Variants in UGT1A10 observed in about 807,000 individuals in gnomAD.
UGT1A10 encodes UDP-glucuronosyltransferase 1A10.
A neutral mutation model predicts 45.8 loss-of-function variants in UGT1A10; 49 were observed. That is an observed-to-expected ratio of 1.07 (90% CI 0.85 to 1.36). The LOEUF is 1.36. UGT1A10 is among the 40% of genes most tolerant of loss of function. The pLI is 0.00. For missense variants in UGT1A10, 745 were observed against 668.6 expected (o/e 1.11, Z -1.26); for synonymous variants, 284 against 249.7 (o/e 1.14, Z -1.29).
At chr2:233,710,391 A>G (rs2076129551) in intron 1 of UGT1A10, among the ~76,000 whole-genome samples, 1 of 152,224 alleles carries the variant, frequency 6.6e-6, no homozygotes. Context: ...GCAACGCATT[A>G]GAGTTCTGGC....
intron 1 of UGT1A10, among the ~76,000 whole-genome samples, chr2:233,757,948 G>A (rs1469946422): frequency 6.6e-6 from 1 of 152,076 alleles, no homozygotes; most frequent in Non-Finnish European, 1.5e-5. Flanking sequence ...TCATATTGCT[G>A]CCCTGCTGTG....
intron 1 of UGT1A10, chr2:233,755,162 G>T (rs1267717516): frequency 7.8e-7 from 1 of 1,279,938 alleles, no homozygotes; most frequent in Non-Finnish European, 1.1e-6. Context: ...CCCTGTCCTC[G>T]GGGTTTTTGT....
chr2:233,768,512 T>C (rs1026092471), intron 4 of UGT1A10, 73 bp downstream of exon 4: 15 of 1,552,814 alleles, frequency 9.7e-6, no homozygotes, highest in South Asian at 4.8e-5. Context: ...ATGAAAACAT[T>C]TACGTAGCAT....
intron 1 of UGT1A10, among the ~76,000 whole-genome samples, chr2:233,684,728 G>T (rs4583459): frequency 0.6 from 91,008 of 151,656 alleles, 27,587 homozygotes; most frequent in South Asian, 0.65. Context: ...TTTATAAATA[G>T]AAAATAAATA....
chr2:233,757,503 A>G (rs1469765233), intron 1 of UGT1A10, among the ~76,000 whole-genome samples: 5 of 137,398 alleles, frequency 3.6e-5, no homozygotes, highest in African/African-American at 1.1e-4. Context: ...GAGTGATAGC[A>G]TGATTCCAAA....
chr2:233,684,100 T>C (rs1272642973), intron 1 of UGT1A10, among the ~76,000 whole-genome samples: 11 of 152,174 alleles, frequency 7.2e-5, no homozygotes, highest in Admixed American at 7.2e-4. Flanking sequence ...GTATACATTT[T>C]TATCTATTGT....
chr2:233,761,146 T>C lies in UGT1A10; in HGVS notation c.856-5888T>C, dbSNP rs1337384419. On this transcript the variant is annotated intron_variant, in intron 1 of 4. Coordinates refer to ENST00000344644, the MANE Select transcript of UGT1A10 (RefSeq NM_019075.4). ...CAACTGCCTTCACCAAAATCCACTATCCCAGGTGTGTATTGGAGTGGGACT... is the reference window on the plus strand; with the variant it reads ...CAACTGCCTTCACCAAAATCCACTACCCCAGGTGTGTATTGGAGTGGGACT... 8.1e-6 allele frequency: 13 copies of C among 1,614,114 alleles called. No individual in the cohort carries two copies. The highest frequency in any genetic ancestry group is 4.0e-5 in the African/African-American group (3 of 74,946).
At chr2:233,772,141 A>G in intron 4 of UGT1A10, 121 bp from the exon 5 acceptor site, 1 of 1,549,926 alleles carries the variant, frequency 6.5e-7, no homozygotes, top group South Asian at 1.2e-5. Context: ...CAATAATAGA[A>G]ACAGGTTTCC....
chr2:233,712,128 G>T (rs2076215932), intron 1 of UGT1A10, among the ~76,000 whole-genome samples: 1 of 152,208 alleles, frequency 6.6e-6, no homozygotes, highest in South Asian at 2.1e-4. Flanking sequence ...CAGAAGACTG[G>T]AGCCTTCAGC....
At chr2:233,678,400 G>T (rs1384108264) in intron 1 of UGT1A10, among the ~76,000 whole-genome samples, 1 of 152,176 alleles carries the variant, frequency 6.6e-6, no homozygotes, top group African/African-American at 2.4e-5. Flanking sequence ...AGGAGGAGTA[G>T]ATGTTGATTT....
chr2:233,710,959 TG>T (rs2076155501), intron 1 of UGT1A10, among the ~76,000 whole-genome samples: 1 of 152,232 alleles, frequency 6.6e-6, no homozygotes, highest in Non-Finnish European at 1.5e-5. Context: ...TCTCTGAGAT[TG>T]GCAGAGGGGA....
intron 1 of UGT1A10, among the ~76,000 whole-genome samples, chr2:233,638,781 C>T (rs991946144): frequency 3.3e-5 from 5 of 152,092 alleles, no homozygotes; most frequent in Admixed American, 6.5e-5. Flanking sequence ...AAAGAGTGAC[C>T]GTTCAGCCAT....
At chr2:233,652,712 C>G (rs2073768838) in intron 1 of UGT1A10, among the ~76,000 whole-genome samples, 1 of 152,162 alleles carries the variant, frequency 6.6e-6, no homozygotes, top group Non-Finnish European at 1.5e-5. Flanking sequence ...CAAGACTGTT[C>G]AAATGGGAAA....
intron 1 of UGT1A10, among the ~76,000 whole-genome samples, chr2:233,650,263 C>T (rs1241152116): frequency 2.0e-5 from 3 of 152,178 alleles, no homozygotes; most frequent in African/African-American, 7.2e-5. Flanking sequence ...AGCCACCGTA[C>T]CTGGCCAAGG....
intron 1 of UGT1A10, chr2:233,721,510 A>T (rs186702704): frequency 1.1e-3 from 179 of 168,498 alleles, no homozygotes; most frequent in African/African-American, 4.2e-3. Context: ...CATTTATTTT[A>T]TGCTGAATTT....
At position 233,725,216 on chromosome 2, in the gene UGT1A10, AGAG is replaced by A. The variant is rs1223079485; in HGVS notation, c.856-41813_856-41811del. ...CAGAGGCAGAGGCAGAGGCAGAGGCAGAGGAGGCAGAGGCAGAGGAGGCAGAGG... is the reference window on the plus strand; with the variant it reads ...CAGAGGCAGAGGCAGAGGCAGAGGCAGAGGCAGAGGCAGAGGAGGCAGAGG... On this transcript the variant is annotated intron_variant, in intron 1 of 4. Transcript: ENST00000344644. 1.2e-3 allele frequency among the ~76,000 whole-genome samples: 54 copies of A among 45,286 alleles called. 21 individuals carry two copies. The highest frequency in any genetic ancestry group is 6.7e-3 in the African/African-American group (53 of 7,866). 29.7% of individuals were successfully genotyped at this position (45,286 alleles called of 152,430 possible). A position where few individuals can be genotyped will look rare whatever the true frequency, so the allele number is the denominator to read the frequency against.
intron 1 of UGT1A10, among the ~76,000 whole-genome samples, chr2:233,655,179 G>A (rs2073829896): frequency 6.6e-6 from 1 of 152,200 alleles, no homozygotes; most frequent in South Asian, 2.1e-4. Flanking sequence ...TTTTGTTAAT[G>A]TGCTAATTAC....
In UGT1A10 at chr2:233,772,281, C is replaced by T. The variant is rs143033456; in HGVS notation, c.1315C>T (p.Arg439Cys). ...NDKSYKENIM[R>C]LSSLHKDRPV... is the part of the protein sequence containing the mutation. ...GTTTAGTTACAAGGAGAACATCATG[C>T]GCCTCTCCAGCCTTCACAAGGACCG... The change falls in exon 5 of 5, where the codon CGC becomes TGC. Residue 439 changes from arginine to cysteine, a missense_variant. Physicochemically the swap from Arg to Cys is radical, Grantham distance 180. Coordinates refer to ENST00000344644, the MANE Select transcript of UGT1A10 (RefSeq NM_019075.4). 1.3e-4 allele frequency: 210 copies of T among 1,614,084 alleles called. 1 individual carries two copies. Among genetic ancestry groups the T allele is most frequent in the Non-Finnish European group, 1.7e-4 (200 of 1,180,048 alleles).
At chr2:233,729,474 G>C (rs1258880128) in intron 1 of UGT1A10, 53 of 1,614,092 alleles carry the variant, frequency 3.3e-5, no homozygotes, top group Non-Finnish European at 4.2e-5. Flanking sequence ...GTATGGCAAT[G>C]TTGAACAATA....
Sources: allele counts gnomAD v4.1 joint callset (sites outside exome capture counted in the v4.1 genomes callset), GRCh38; gene constraint gnomAD v4.1.1; transcripts MANE v1.5; gene names NCBI Gene and HGNC (gene_info 2026-07-23, HGNC 2026-07-21).